Variants in DROSHA observed in about 807,000 individuals in gnomAD.
DROSHA encodes ribonuclease 3.
In DROSHA, 56 loss-of-function variants were observed where a neutral mutation model predicts 181.9. That is an observed-to-expected ratio of 0.31 (90% confidence interval 0.25 to 0.38). The LOEUF is 0.38. DROSHA is among the 10% of genes least tolerant of loss of function. DROSHA has a pLI of 1.00. For missense variants in DROSHA, 1,218 were observed against 1,743.5 expected, an observed-to-expected ratio of 0.70 and a Z score of 5.37; for synonymous variants, 524 against 591.2, an observed-to-expected ratio of 0.89 and a Z score of 1.65.
intron 12 of DROSHA, among the ~76,000 whole-genome samples, chr5:31,495,040 A>G (rs1752817921): frequency 6.6e-6 from 1 of 152,190 alleles, no homozygotes; most frequent in African/African-American, 2.4e-5. Flanking sequence ...TAGCTCCAAC[A>G]TTGTTGGCTA....
chr5:31,501,663 G>A lies in DROSHA; in HGVS notation c.1668+2892C>T, dbSNP rs567193652. On this transcript the variant is annotated intron_variant, in intron 11 of 35. Transcript: ENST00000344624. The stretch of plus-strand genomic sequence containing the variant: ...ACTTAACCAAGCAGGAACTCTGATT[G>A]TAGCTGCCGGGCCAGGTGTTGTAGT... Among the ~76,000 whole-genome samples the A allele has an allele frequency of 8.5e-5, 13 of 152,266 alleles. No homozygotes were observed. In the South Asian group the frequency reaches 2.5e-3, roughly 29 times the overall value.
chr5:31,411,552 T>G lies in DROSHA; in HGVS notation c.3526-665A>C, dbSNP rs1487372850. ...AGTAAATACTATGAAAAGATTTAAA[T>G]TATTTATTTACATTTTTATTTTATT... is the stretch of plus-strand genomic sequence containing the variant. On this transcript the variant is annotated intron_variant, in intron 30 of 35. Coordinates refer to ENST00000344624, the MANE Select transcript of DROSHA (RefSeq NM_001382508.1). This position sits in a 1 kb window ranked among gnomAD's most constrained non-coding sequence, Gnocchi z 4.2. Among the ~76,000 whole-genome samples, 1 of 152,152 alleles carries G rather than the reference T, an allele frequency of 6.6e-6. No homozygotes were observed. Among genetic ancestry groups the G allele is most frequent in the African/African-American group, 2.4e-5 (1 of 41,426 alleles).
At chr5:31,410,293 G>A (rs561992592) in intron 31 of DROSHA, among the ~76,000 whole-genome samples, 37 of 152,198 alleles carry the variant, frequency 2.4e-4, no homozygotes, top group Middle Eastern at 3.4e-3. Flanking sequence ...AGACCATATC[G>A]GAAACTGCAA....
At chr5:31,495,411 C>A in intron 11 of DROSHA, 39 bp from the exon 12 acceptor site, 1 of 1,562,890 alleles carries the variant, frequency 6.4e-7, no homozygotes, top group Non-Finnish European at 8.8e-7. Context: ...ACAAGTAAAG[C>A]AAGAGTACTT....
At chr5:31,491,259 T>A (rs937410419) in intron 13 of DROSHA, among the ~76,000 whole-genome samples, 4 of 150,714 alleles carry the variant, frequency 2.7e-5, no homozygotes, top group African/African-American at 9.8e-5. Context: ...AAGAGAGAGG[T>A]GCCAGTATTT....
chr5:31,485,825 C>G (rs895691030), intron 14 of DROSHA, among the ~76,000 whole-genome samples: 5 of 152,106 alleles, frequency 3.3e-5, no homozygotes, highest in African/African-American at 4.8e-5. Flanking sequence ...TCCCATTAAA[C>G]AAGGTTTGCA....
intron 13 of DROSHA, among the ~76,000 whole-genome samples, chr5:31,490,195 T>TTG (rs1752247598): frequency 6.6e-6 from 1 of 150,994 alleles, no homozygotes; most frequent in African/African-American, 2.4e-5. Context: ...TTTTTTTTTT[T>TTG]TTTTAAGAGA....
chr5:31,404,675 C>T (rs1012173598), intron 35 of DROSHA, among the ~76,000 whole-genome samples: 4 of 152,168 alleles, frequency 2.6e-5, no homozygotes, highest in Admixed American at 6.5e-5. Flanking sequence ...CTTCAGTTTA[C>T]AAAAGACTAT....
At chr5:31,523,354 G>A (rs1251174811) in intron 5 of DROSHA, among the ~76,000 whole-genome samples, 1 of 152,162 alleles carries the variant, frequency 6.6e-6, no homozygotes, top group Non-Finnish European at 1.5e-5. Context: ...TGTGGTTTAG[G>A]ATAAATCAGG....
chr5:31,489,764 G>A (rs1752171246), intron 13 of DROSHA, among the ~76,000 whole-genome samples: 1 of 152,222 alleles, frequency 6.6e-6, no homozygotes, highest in South Asian at 2.1e-4. Context: ...GAGTCAGCGA[G>A]TCCACTGCAA....
At chr5:31,413,155 G>A (rs754221403) in intron 30 of DROSHA, among the ~76,000 whole-genome samples, 4 of 152,096 alleles carry the variant, frequency 2.6e-5, no homozygotes, top group South Asian at 2.1e-4. Context: ...GCTGTCTGAC[G>A]GTGAAGGAGG....
intron 26 of DROSHA, among the ~76,000 whole-genome samples, chr5:31,430,134 A>T (rs1264283525): frequency 6.6e-6 from 1 of 152,210 alleles, no homozygotes; most frequent in African/African-American, 2.4e-5. Flanking sequence ...ATTTTCTTGA[A>T]ATCAAATGTT....
intron 35 of DROSHA, among the ~76,000 whole-genome samples, chr5:31,402,419 CAA>C (rs1384976936): frequency 6.6e-6 from 1 of 152,142 alleles, no homozygotes; most frequent in African/African-American, 2.4e-5. Context: ...AGCATACAAT[CAA>C]GAGTACATTC....
intron 3 of DROSHA, among the ~76,000 whole-genome samples, 176 bp downstream of exon 3, chr5:31,530,622 C>A (rs1460643811): frequency 3.2e-5 from 4 of 125,114 alleles, no homozygotes; most frequent in South Asian, 2.9e-4. Flanking sequence ...AAGAGCGAAA[C>A]TCTAGCTCAA....
chr5:31,527,330 C>G (rs529006789), intron 4 of DROSHA, among the ~76,000 whole-genome samples: 3 of 152,192 alleles, frequency 2.0e-5, no homozygotes, highest in Admixed American at 6.5e-5. Flanking sequence ...ATTACCACCC[C>G]CCCTCTGCAA....
At position 31,468,721 on chromosome 5, in the gene DROSHA, T is replaced by TA. The variant is rs144669272; in HGVS notation, c.2242-659dup. Among the ~76,000 whole-genome samples, 624 of 152,282 alleles carry TA rather than the reference T, an allele frequency of 4.1e-3. 15 individuals carry two copies. In the East Asian group the frequency reaches 0.054, roughly 13 times the overall value. On this transcript the variant is annotated intron_variant, in intron 17 of 35. Transcript: ENST00000344624. ...AAAGCTTAAATTTATGAAAAGATGG[T>TA]AAAATCACAGAGAACAGGTTTCAGC... is the stretch of plus-strand genomic sequence containing the variant.
At chr5:31,499,249 A>G (rs762599682) in intron 11 of DROSHA, among the ~76,000 whole-genome samples, 1 of 152,178 alleles carries the variant, frequency 6.6e-6, no homozygotes, top group Non-Finnish European at 1.5e-5. Flanking sequence ...CTTCTGTCCA[A>G]TCCTGCTTCC....
chr5:31,521,166 A>G lies in DROSHA; in HGVS notation c.904T>C (p.Ser302Pro). 6.2e-7 allele frequency: 1 copy of G among 1,613,618 alleles called. No individual in the cohort carries two copies. Among genetic ancestry groups the G allele is most frequent in the Non-Finnish European group, 8.5e-7 (1 of 1,179,640 alleles). Residue 302 changes from serine (S) to proline (P), a missense_variant, in exon 6 of 36, where the codon TCT (serine) becomes CCT (proline). By Grantham distance (74) the Ser-to-Pro change is moderately conservative (BLOSUM62 -1). This residue lies in a region of DROSHA where 536 missense variants were observed against 535.4 expected (regional missense o/e 1.00). Coordinates refer to ENST00000344624, the MANE Select transcript of DROSHA (RefSeq NM_001382508.1). ...HRHRDNRRSP[S>P]LERSYKKEYK... ...TCTTTTTTGTAGGACCTTTCCAGAG[A>G]TGGTGATCTTCGGTTGTCTCGATGC...
Position 31,435,852 on chromosome 5 carries a change from G to A in DROSHA, c.2955C>T (p.Tyr985=). The A allele has an allele frequency of 3.1e-6, 5 of 1,612,074 alleles. No individual in the cohort carries two copies. The highest frequency in any genetic ancestry group is 1.3e-5 in the African/African-American group (1 of 74,690). Reference sequence around the variant, plus strand: ...CTTCTTCCAGACTAGGAAACAAATAGTACAAATGGACGCTACAAAAAAAAA... The same window carrying A: ...CTTCTTCCAGACTAGGAAACAAATAATACAAATGGACGCTACAAAAAAAAA... ...VVEFLTSVHL[Y]YLFPSLEEGG... Residue 985 remains tyrosine (Y), a synonymous_variant, in exon 25 of 36, where the codon TAC becomes TAT. Transcript: ENST00000344624.
Sources: gnomAD v4.1 joint callset for allele counts (sites outside exome capture counted in the v4.1 genomes callset) on GRCh38, gnomAD v4.1.1 for gene constraint, gnomAD v4.1.1 regional missense constraint, Gnocchi (gnomAD v3.1) non-coding constraint, MANE v1.5 for transcripts, NCBI Gene and HGNC (gene_info 2026-07-23, HGNC 2026-07-21) for gene names.